Variants in RNF13 observed in about 807,000 individuals in gnomAD.
RNF13 encodes the protein ring finger protein 13, also known as E3 ubiquitin-protein ligase RNF13.
Under a neutral mutation model 37.7 loss-of-function variants are expected in RNF13, and 19 were observed. That is an observed-to-expected ratio of 0.50 (90% CI 0.35 to 0.74). The LOEUF (loss-of-function observed/expected upper bound fraction) is 0.74. RNF13 is among the 30% of genes least tolerant of loss of function. The pLI is 0.01. For synonymous variants in RNF13, 144 were observed against 157.8 expected, an observed-to-expected ratio of 0.91 and a Z score of 0.65; for missense variants, 375 against 453.0, an observed-to-expected ratio of 0.83 and a Z score of 1.56.
At chr3:149,883,425 G>A (rs917624109) in intron 4 of RNF13, among the ~76,000 whole-genome samples, 1 of 151,960 alleles carries the variant, frequency 6.6e-6, no homozygotes, top group African/African-American at 2.4e-5. Context: ...TAAAATGTGT[G>A]TGTATGTGTG....
intron 1 of RNF13, among the ~76,000 whole-genome samples, chr3:149,826,495 C>T (rs1213020762): frequency 1.3e-5 from 2 of 152,140 alleles, no homozygotes; most frequent in African/African-American, 4.8e-5. Flanking sequence ...AATTAAAAGA[C>T]TTGTTGCTTG....
chr3:149,813,564 C>G (rs1221233273), intron 1 of RNF13, among the ~76,000 whole-genome samples: 1 of 152,220 alleles, frequency 6.6e-6, no homozygotes, highest in Non-Finnish European at 1.5e-5. Context: ...CCTGCACTCT[C>G]ATTCCGCGAG....
chr3:149,902,111 T>C lies in RNF13; in HGVS notation c.449T>C (p.Ile150Thr). 1 of 1,516,318 alleles carries C rather than the reference T, an allele frequency of 6.6e-7. No individual in the cohort carries two copies. Among genetic ancestry groups the C allele is most frequent in the Non-Finnish European group, 8.9e-7 (1 of 1,127,230 alleles). 93.9% of individuals were successfully genotyped at this position (1,516,318 alleles called of 1,614,324 possible). A position where few individuals can be genotyped will look rare whatever the true frequency, so the allele number is the denominator to read the frequency against. ...LKKIDIPSVF[I>T]GESSANSLKD... Reference sequence around the variant, plus strand: ...AAAATTGACATTCCATCTGTCTTTATTGGTGAATCATCAGCTAATTCTCTG... The same window carrying C: ...AAAATTGACATTCCATCTGTCTTTACTGGTGAATCATCAGCTAATTCTCTG... The change falls in exon 6 of 10, where the codon ATT (isoleucine) becomes ACT (threonine). Residue 150 changes from isoleucine (I) to threonine (T), a missense_variant. Physicochemically the swap from Ile to Thr is moderately conservative, Grantham distance 89 (BLOSUM62 -1). Coordinates refer to ENST00000392894, the MANE Select transcript of RNF13 (RefSeq NM_183381.3).
chr3:149,886,738 T>C (rs928356109), intron 4 of RNF13, among the ~76,000 whole-genome samples: 1 of 152,232 alleles, frequency 6.6e-6, no homozygotes, highest in African/African-American at 2.4e-5. Context: ...TGATTTCTCA[T>C]AGATGCTCTT....
chr3:149,909,823 A>G (rs2108514633), intron 6 of RNF13, among the ~76,000 whole-genome samples: 1 of 152,104 alleles, frequency 6.6e-6, no homozygotes, highest in African/African-American at 2.4e-5. Flanking sequence ...TTGTTCTTTT[A>G]GCTTGCTCCT....
chr3:149,930,665 A>C (rs886198994), intron 8 of RNF13, among the ~76,000 whole-genome samples: 2 of 152,180 alleles, frequency 1.3e-5, no homozygotes, highest in African/African-American at 2.4e-5. Context: ...GTTTGGTAGA[A>C]TTCACCAGTG....
intron 3 of RNF13, 118 bp from the exon 4 acceptor site, chr3:149,871,911 C>T: frequency 1.5e-6 from 1 of 678,886 alleles, no homozygotes; most frequent in East Asian, 3.1e-5. Context: ...TTTTACATGC[C>T]CAATGATACA....
At chr3:149,953,775 A>G (rs1366562345) in intron 8 of RNF13, among the ~76,000 whole-genome samples, 2 of 152,210 alleles carry the variant, frequency 1.3e-5, no homozygotes, top group Non-Finnish European at 2.9e-5. Flanking sequence ...CCAAGCACCC[A>G]TTCATGTGTA....
At chr3:149,874,207 G>A (rs1029516153) in intron 4 of RNF13, among the ~76,000 whole-genome samples, 1 of 152,078 alleles carries the variant, frequency 6.6e-6, no homozygotes, top group African/African-American at 2.4e-5. Flanking sequence ...GGCCATTTAA[G>A]GCTAAAGATT....
intron 1 of RNF13, among the ~76,000 whole-genome samples, chr3:149,825,580 C>T (rs776086859): frequency 9.9e-5 from 15 of 152,248 alleles, no homozygotes; most frequent in African/African-American, 3.1e-4. Flanking sequence ...TATTGTTTAC[C>T]GGGCAACCTT....
intron 6 of RNF13, among the ~76,000 whole-genome samples, chr3:149,904,661 A>G (rs1190691951): frequency 6.6e-6 from 1 of 152,184 alleles, no homozygotes; most frequent in Non-Finnish European, 1.5e-5. Flanking sequence ...TTTAAAAATT[A>G]TATATAAACT....
intron 1 of RNF13, among the ~76,000 whole-genome samples, chr3:149,833,960 C>T (rs760507117): frequency 3.9e-5 from 6 of 152,128 alleles, no homozygotes. Context: ...AAATCAGTTG[C>T]ATTCCTATAA....
At chr3:149,816,675 C>T (rs1719491758) in intron 1 of RNF13, among the ~76,000 whole-genome samples, 1 of 151,960 alleles carries the variant, frequency 6.6e-6, no homozygotes, top group African/African-American at 2.4e-5. Flanking sequence ...GTTTAAGGAC[C>T]AGACTGGTAA....
intron 1 of RNF13, among the ~76,000 whole-genome samples, chr3:149,833,548 G>A (rs1721285077): frequency 6.6e-6 from 1 of 152,070 alleles, no homozygotes; most frequent in Non-Finnish European, 1.5e-5. Flanking sequence ...TGCAGAAAAA[G>A]CATTTCACAG....
Position 149,830,042 on chromosome 3 carries a change from A to G in RNF13, c.-16-15969A>G, listed in dbSNP as rs914913588. Among the ~76,000 whole-genome samples, 15 of 145,726 alleles carry G rather than the reference A, an allele frequency of 1.0e-4. No individual in the cohort carries two copies. In the Admixed American group the frequency reaches 1.0e-3, roughly 10 times the overall value. ...CCATGATTCTGAGGCCTCTCCAGCCATGTAGAGCTGTCAGTCCATTAAACC... is the reference window on the plus strand; with the variant it reads ...CCATGATTCTGAGGCCTCTCCAGCCGTGTAGAGCTGTCAGTCCATTAAACC... On this transcript the variant is annotated intron_variant, in intron 1 of 9. Transcript: ENST00000392894.
chr3:149,896,232 AT>A (rs2108492631), intron 5 of RNF13, among the ~76,000 whole-genome samples: 1 of 152,090 alleles, frequency 6.6e-6, no homozygotes, highest in African/African-American at 2.4e-5. Context: ...AACACTCATG[AT>A]TAGAATTTAT....
Position 149,865,331 on chromosome 3 carries a change from T to TATATATAC in RNF13, c.196-6691_196-6690insCATATATA, listed in dbSNP as rs1231896015. Among the ~76,000 whole-genome samples the TATATATAC allele has an allele frequency of 4.1e-5, 6 of 145,978 alleles. No homozygotes were observed. In the East Asian group the frequency reaches 1.2e-3, roughly 29 times the overall value. On this transcript the variant is annotated intron_variant, in intron 3 of 9. Transcript: ENST00000392894. ...AACTTCTTTCTAGATGTTTTGGTGA[T>TATATATAC]ATATATATATATATATATATGTATA...
At chr3:149,930,138 A>G (rs1416194530) in intron 8 of RNF13, among the ~76,000 whole-genome samples, 3 of 152,166 alleles carry the variant, frequency 2.0e-5, no homozygotes, top group Non-Finnish European at 4.4e-5. Context: ...TATGTTGGCT[A>G]GGCTGGTCTT....
At chr3:149,951,364 C>A (rs1467740367) in intron 8 of RNF13, among the ~76,000 whole-genome samples, 1 of 152,176 alleles carries the variant, frequency 6.6e-6, no homozygotes, top group African/African-American at 2.4e-5. Context: ...GAATTACTAC[C>A]ATGGCTATGG....
Sources: gnomAD v4.1 joint callset for allele counts (sites outside exome capture counted in the v4.1 genomes callset) on GRCh38, gnomAD v4.1.1 for gene constraint, MANE v1.5 for transcripts, NCBI Gene and HGNC (gene_info 2026-07-23, HGNC 2026-07-21) for gene names.